The following CPNE4 variants were observed in gnomAD, a reference collection of about 807,000 sequenced individuals.
CPNE4 encodes copine-4.
Under a neutral mutation model 67.9 loss-of-function variants are expected in CPNE4, and 25 were observed. The observed-to-expected ratio is 0.37, with a 90% CI of 0.27 to 0.51. The LOEUF is 0.51. Ranked by LOEUF, CPNE4 falls within the 20% of genes least tolerant of loss-of-function variation. The pLI is 0.93. For synonymous variants in CPNE4, 242 were observed against 244.9 expected (o/e 0.99, Z 0.11); for missense variants, 464 against 690.8 (o/e 0.67, Z 3.68).
At chr3:132,029,967 A>G (rs1333942545) in intron 1 of CPNE4, among the ~76,000 whole-genome samples, 4 of 152,276 alleles carry the variant, frequency 2.6e-5, no homozygotes, top group African/African-American at 9.6e-5. Flanking sequence ...TTTTTTACAG[A>G]ACATGCACAT....
intron 7 of CPNE4, among the ~76,000 whole-genome samples, chr3:131,659,382 G>C (rs1560067002): frequency 6.6e-6 from 1 of 152,130 alleles, no homozygotes; most frequent in Non-Finnish European, 1.5e-5. Flanking sequence ...CAGTGCAGAA[G>C]GGGATGCAGA....
At chr3:131,975,765 AT>A (rs1560714571) in intron 1 of CPNE4, among the ~76,000 whole-genome samples, 1 of 152,178 alleles carries the variant, frequency 6.6e-6, no homozygotes, top group Non-Finnish European at 1.5e-5. Context: ...GTGTATTCGA[AT>A]CATAAACATA....
chr3:131,906,392 A>C (rs1362522932), intron 1 of CPNE4, among the ~76,000 whole-genome samples: 4 of 129,920 alleles, frequency 3.1e-5, no homozygotes, highest in Non-Finnish European at 4.9e-5. Flanking sequence ...TCCTAATGCT[A>C]TCCCTCCCCC....
At chr3:131,932,972 G>A (rs1299597896) in intron 1 of CPNE4, among the ~76,000 whole-genome samples, 1 of 152,160 alleles carries the variant, frequency 6.6e-6, no homozygotes, top group African/African-American at 2.4e-5. Flanking sequence ...AGTGAGCCAT[G>A]ATTGTGCTCC....
Position 131,542,610 on chromosome 3 carries a change from C to T in CPNE4, c.1486G>A (p.Glu496Lys). The T allele has an allele frequency of 1.9e-6, 3 of 1,614,124 alleles. No homozygotes were observed. The highest frequency in any genetic ancestry group is 1.3e-5 in the African/African-American group (1 of 75,042). The change falls in exon 15 of 16, where the codon GAG (glutamate) becomes AAG (lysine). Residue 496 changes from glutamate to lysine, a missense_variant. Coordinates refer to ENST00000429747, the MANE Select transcript of CPNE4 (RefSeq NM_130808.3). Reference protein sequence around the residue: ...DDGILRSPKGEPVLRDIVQFV... With the variant: ...DDGILRSPKGKPVLRDIVQFV... ...TGGACGATGTCTCGAAGAACAGGCT[C>T]TCCCTTGGGTGACCTCAGAATCCCA...
chr3:131,767,474 G>T (rs1045911509), intron 2 of CPNE4, among the ~76,000 whole-genome samples: 4 of 152,154 alleles, frequency 2.6e-5, no homozygotes, highest in Non-Finnish European at 5.9e-5. Flanking sequence ...ACTGTGAGTG[G>T]CATCTTTTCA....
intron 1 of CPNE4, among the ~76,000 whole-genome samples, chr3:132,020,071 T>C (rs1381831371): frequency 6.6e-6 from 1 of 152,102 alleles, no homozygotes; most frequent in African/African-American, 2.4e-5. Flanking sequence ...CCAGTGTCAG[T>C]CCCATCCTGT....
chr3:131,542,381 T>C (rs1221709143), intron 15 of CPNE4, among the ~76,000 whole-genome samples, 176 bp downstream of exon 15: 1 of 151,998 alleles, frequency 6.6e-6, no homozygotes, highest in Non-Finnish European at 1.5e-5. Flanking sequence ...GGAGATGACG[T>C]GGCCCAGGAA....
At chr3:131,570,451 G>C (rs1937281862) in intron 10 of CPNE4, among the ~76,000 whole-genome samples, 1 of 151,992 alleles carries the variant, frequency 6.6e-6, no homozygotes, top group African/African-American at 2.4e-5. Context: ...GTGTCATCTA[G>C]CATTAGGTAT....
intron 6 of CPNE4, among the ~76,000 whole-genome samples, chr3:131,674,314 C>T (rs1452236378): frequency 6.6e-6 from 1 of 151,846 alleles, no homozygotes; most frequent in Admixed American, 6.6e-5. Flanking sequence ...GGTATCAGGG[C>T]AATACTAGCC....
intron 2 of CPNE4, among the ~76,000 whole-genome samples, chr3:131,757,771 G>A (rs936411277): frequency 2.6e-5 from 4 of 152,306 alleles, no homozygotes; most frequent in Middle Eastern, 3.4e-3. Context: ...CATGGGCTGA[G>A]CCCAGGGTCC....
At chr3:131,573,527 G>A (rs1307162496) in intron 10 of CPNE4, among the ~76,000 whole-genome samples, 1 of 152,088 alleles carries the variant, frequency 6.6e-6, no homozygotes, top group African/African-American at 2.4e-5. Context: ...GGCAGAGCAA[G>A]CCCCTGAAGG....
chr3:131,627,193 C>CAAAAAAAAAAAAAAAAAAA (rs57977015), intron 7 of CPNE4, among the ~76,000 whole-genome samples: 2 of 68,390 alleles, frequency 2.9e-5, no homozygotes, highest in Admixed American at 1.8e-4. Flanking sequence ...GACTCCATCT[C>CAAAAAAAAAAAAAAAAAAA]AAAAAAAAAA....
Position 131,772,562 on chromosome 3 carries a change from T to C in CPNE4, c.181-48937A>G, listed in dbSNP as rs79883826. 7.0e-3 allele frequency among the ~76,000 whole-genome samples: 1,064 copies of C among 152,254 alleles called. 17 individuals carry two copies. The highest frequency in any genetic ancestry group is 0.024 in the African/African-American group (1,016 of 41,552). On this transcript the variant is annotated intron_variant, in intron 2 of 15. Transcript: ENST00000429747. ...AGAGAGCCAGAAGTGTAAGAAGCCA[T>C]AATTTCCTCTGAAGCATAAATTACT... is the stretch of plus-strand genomic sequence containing the variant.
At chr3:131,633,663 G>T (rs946657403) in intron 7 of CPNE4, among the ~76,000 whole-genome samples, 1 of 152,020 alleles carries the variant, frequency 6.6e-6, no homozygotes. Context: ...GTGTGATATG[G>T]CTAAAAGTGA....
At chr3:131,555,907 T>C (rs1252887651) in intron 11 of CPNE4, among the ~76,000 whole-genome samples, 1 of 152,092 alleles carries the variant, frequency 6.6e-6, no homozygotes, top group Non-Finnish European at 1.5e-5. Context: ...ACTGTAATGG[T>C]TGACTGTGTT....
At chr3:131,549,110 T>C (rs1036510591) in intron 14 of CPNE4, among the ~76,000 whole-genome samples, 1 of 152,126 alleles carries the variant, frequency 6.6e-6, no homozygotes, top group Non-Finnish European at 1.5e-5. Context: ...AATTCAGAGA[T>C]GTGCTCAAGT....
At chr3:131,747,360 T>G (rs867205242) in intron 2 of CPNE4, among the ~76,000 whole-genome samples, 3 of 152,102 alleles carry the variant, frequency 2.0e-5, no homozygotes, top group African/African-American at 7.2e-5. Context: ...CCTATACTGA[T>G]GCAATGGAGT....
At chr3:131,622,660 A>G (rs1052137717) in intron 7 of CPNE4, among the ~76,000 whole-genome samples, 8 of 152,214 alleles carry the variant, frequency 5.3e-5, no homozygotes, top group African/African-American at 1.9e-4. Flanking sequence ...CTTATGGGAA[A>G]AAGTCTGTGT....
Sources: gnomAD v4.1 joint callset for allele counts (sites outside exome capture counted in the v4.1 genomes callset) on GRCh38, gnomAD v4.1.1 for gene constraint, MANE v1.5 for transcripts, NCBI Gene and HGNC (gene_info 2026-07-23, HGNC 2026-07-21) for gene names.